UST: variants seen among roughly 807,000 people sequenced by gnomAD.
UST encodes the protein chondroitin sulfate 2-O-sulfotransferase.
UST carries 21 observed loss-of-function variants against 45.6 expected under a neutral mutation model. That is an observed-to-expected ratio of 0.46 (90% CI 0.33 to 0.66). The LOEUF is 0.66. Ranked by LOEUF, UST falls within the 30% of genes least tolerant of loss-of-function variation. The pLI is 0.02. For synonymous variants in UST, 215 were observed against 200.6 expected (o/e 1.07, Z -0.61); for missense variants, 463 against 512.4 (o/e 0.90, Z 0.93).
chr6:148,810,542 T>G (rs1777237056), intron 1 of UST, among the ~76,000 whole-genome samples: 1 of 152,180 alleles, frequency 6.6e-6, no homozygotes, highest in South Asian at 2.1e-4. Context: ...ATTAGGAAAA[T>G]TGTGTGGGTA....
intron 1 of UST, among the ~76,000 whole-genome samples, chr6:148,849,997 T>C (rs1256265127): frequency 6.6e-6 from 1 of 152,190 alleles, no homozygotes; most frequent in Non-Finnish European, 1.5e-5. Flanking sequence ...CTGTTCTATG[T>C]GGTATATGTG....
chr6:148,793,327 G>A (rs1344538601), intron 1 of UST, among the ~76,000 whole-genome samples: 2 of 151,296 alleles, frequency 1.3e-5, no homozygotes, highest in African/African-American at 4.8e-5. Context: ...AACACATAAA[G>A]AAACGTACGC....
At chr6:148,845,575 T>A (rs913655707) in intron 1 of UST, among the ~76,000 whole-genome samples, 4 of 152,222 alleles carry the variant, frequency 2.6e-5, no homozygotes, top group African/African-American at 9.6e-5. Flanking sequence ...ATATTCTTCA[T>A]CTATGTACAA....
intron 3 of UST, among the ~76,000 whole-genome samples, chr6:148,946,762 C>T (rs1480669273): frequency 4.1e-5 from 5 of 123,300 alleles, no homozygotes; most frequent in African/African-American, 9.8e-5. Flanking sequence ...TGCAGTGAGC[C>T]GAGATTGCGC....
At chr6:148,847,529 C>T (rs1042458934) in intron 1 of UST, among the ~76,000 whole-genome samples, 2 of 152,194 alleles carry the variant, frequency 1.3e-5, no homozygotes, top group Non-Finnish European at 2.9e-5. Flanking sequence ...ACCTTTGGCC[C>T]AGTTAAAATT....
At chr6:148,931,094 A>G (rs773881063) in intron 2 of UST, among the ~76,000 whole-genome samples, 15 of 152,202 alleles carry the variant, frequency 9.9e-5, no homozygotes, top group Non-Finnish European at 1.8e-4. Flanking sequence ...TGTAATGAGA[A>G]TAATGGACTC....
At chr6:148,872,075 C>T (rs1346658046) in intron 1 of UST, among the ~76,000 whole-genome samples, 6 of 152,064 alleles carry the variant, frequency 3.9e-5, no homozygotes, top group Admixed American at 6.5e-5. Flanking sequence ...ACGTGCATGT[C>T]GCGGGTGAAA....
intron 4 of UST, chr6:148,958,935 T>A (rs1038657328): frequency 5.3e-5 from 8 of 152,266 alleles, no homozygotes; most frequent in Admixed American, 4.6e-4. Context: ...TCCCTTATCC[T>A]TTTTTCACAT....
chr6:148,866,209 A>G (rs958650330), intron 1 of UST, among the ~76,000 whole-genome samples: 1 of 145,804 alleles, frequency 6.9e-6, no homozygotes, highest in Non-Finnish European at 1.5e-5. Context: ...AAATGAAATA[A>G]CATAGTTTAG....
At chr6:149,032,861 G>A (rs1197454319) in intron 7 of UST, among the ~76,000 whole-genome samples, 2 of 152,136 alleles carry the variant, frequency 1.3e-5, no homozygotes, top group Non-Finnish European at 2.9e-5. Flanking sequence ...TGCGGGGGAG[G>A]TACCAGTGTG....
chr6:148,866,363 C>T (rs17079169), intron 1 of UST, among the ~76,000 whole-genome samples: 3 of 151,446 alleles, frequency 2.0e-5, no homozygotes, highest in Admixed American at 6.6e-5. Context: ...AAAATAAGGA[C>T]GTCAACTATG....
At chr6:148,878,211 A>G (rs1582872520) in intron 1 of UST, among the ~76,000 whole-genome samples, 1 of 88,808 alleles carries the variant, frequency 1.1e-5, no homozygotes, top group African/African-American at 4.5e-5. Flanking sequence ...GTGAGGGATC[A>G]TGTAAGAGTG....
chr6:148,978,355 G>A (rs539997215), intron 5 of UST, among the ~76,000 whole-genome samples: 3 of 152,238 alleles, frequency 2.0e-5, no homozygotes, highest in South Asian at 4.2e-4. Flanking sequence ...TACATAGGCT[G>A]TAAAGACACA....
chr6:148,963,028 C>T (rs1321455244), intron 4 of UST, among the ~76,000 whole-genome samples: 2 of 152,210 alleles, frequency 1.3e-5, no homozygotes, highest in African/African-American at 4.8e-5. Context: ...TGAGCTAGAG[C>T]GTGTCGTTCC....
At chr6:148,884,365 C>T (rs970675417) in intron 1 of UST, among the ~76,000 whole-genome samples, 2 of 152,122 alleles carry the variant, frequency 1.3e-5, no homozygotes, top group Non-Finnish European at 2.9e-5. Flanking sequence ...AGCTTGTACA[C>T]TAGCTGAAAG....
intron 7 of UST, among the ~76,000 whole-genome samples, chr6:149,049,632 A>G (rs987982242): frequency 6.6e-6 from 1 of 152,236 alleles, no homozygotes; most frequent in Admixed American, 6.5e-5. Flanking sequence ...CCACTGGCTT[A>G]CTGTGGAATT....
chr6:148,847,236 C>A (rs1778007956), intron 1 of UST, among the ~76,000 whole-genome samples: 2 of 152,196 alleles, frequency 1.3e-5, no homozygotes, highest in Admixed American at 1.3e-4. Context: ...TCTGGCATAA[C>A]TTGACAGAGT....
chr6:148,991,979 A>G (rs1781362142), intron 5 of UST, among the ~76,000 whole-genome samples: 1 of 152,232 alleles, frequency 6.6e-6, no homozygotes, highest in Non-Finnish European at 1.5e-5. Context: ...TTACTGCTCC[A>G]TCAAGAACAT....
chr6:148,861,992 T>A (rs1398964489), intron 1 of UST, among the ~76,000 whole-genome samples: 2 of 152,072 alleles, frequency 1.3e-5, no homozygotes, highest in East Asian at 3.9e-4. Flanking sequence ...GGGTGGAGAG[T>A]TCTGTAGATG....
Sources: gnomAD v4.1 joint callset for allele counts (sites outside exome capture counted in the v4.1 genomes callset) on GRCh38, gnomAD v4.1.1 for gene constraint, MANE v1.5 for transcripts, NCBI Gene and HGNC (gene_info 2026-07-23, HGNC 2026-07-21) for gene names.